DCLK1: variants seen among roughly 807,000 people sequenced by gnomAD.
The protein encoded by DCLK1 is doublecortin like kinase 1, also known as serine/threonine-protein kinase DCLK1.
Under a neutral mutation model 86.2 loss-of-function variants are expected in DCLK1, and 16 were observed. The observed-to-expected ratio is 0.19, with a 90% CI of 0.13 to 0.28. The LOEUF (loss-of-function observed/expected upper bound fraction) is 0.28. Ranked by LOEUF, DCLK1 falls within the 10% of genes least tolerant of loss-of-function variation. The probability of loss-of-function intolerance (pLI) is 1.00; values close to 1 mark genes in which losing one functional copy is unlikely to be tolerated. For synonymous variants in DCLK1, 369 were observed against 370.5 expected (o/e 1.00, Z 0.05); for missense variants, 590 against 940.2 (o/e 0.63, Z 4.87).
At chr13:35,862,798 T>C (rs1871499895) in intron 5 of DCLK1, among the ~76,000 whole-genome samples, 3 of 152,186 alleles carry the variant, frequency 2.0e-5, no homozygotes, top group Admixed American at 2.0e-4. Flanking sequence ...ACATCCAAAT[T>C]TATAAATCCT....
intron 3 of DCLK1, among the ~76,000 whole-genome samples, chr13:36,001,278 A>G (rs1167227986): frequency 6.6e-6 from 1 of 152,226 alleles, no homozygotes; most frequent in African/African-American, 2.4e-5. Flanking sequence ...GCAGTAACAA[A>G]ACACAAGGTT....
At chr13:35,864,114 C>A (rs908774363) in intron 5 of DCLK1, among the ~76,000 whole-genome samples, 1 of 152,094 alleles carries the variant, frequency 6.6e-6, no homozygotes, top group Non-Finnish European at 1.5e-5. Flanking sequence ...ATGGTTGTTG[C>A]CATGAATGTT....
chr13:35,784,888 CT>C (rs1361851366), intron 16 of DCLK1, among the ~76,000 whole-genome samples: 1 of 152,176 alleles, frequency 6.6e-6, no homozygotes, highest in Non-Finnish European at 1.5e-5. Context: ...ACGGAGGTTC[CT>C]CCCTGGCTTC....
At chr13:35,868,956 A>T in intron 5 of DCLK1, 1 of 357,618 alleles carries the variant, frequency 2.8e-6, no homozygotes, top group South Asian at 2.1e-5. Flanking sequence ...ATGCCTGGCT[A>T]ATTTTTGTAT....
At position 35,921,004 on chromosome 13, in the gene DCLK1, C is replaced by T. The variant is rs183748165; in HGVS notation, c.823+26354G>A. On this transcript the variant is annotated intron_variant, in intron 4 of 16. Coordinates refer to ENST00000360631, the MANE Select transcript of DCLK1 (RefSeq NM_001330071.2). ...CCCACGGCCAACAGCCCACAGCAGG[C>T]CACCAACACCTCCACAATGACTATT... Among the ~76,000 whole-genome samples the T allele has an allele frequency of 4.2e-3, 637 of 152,260 alleles. 1 individual carries two copies. Among genetic ancestry groups the T allele is most frequent in the Non-Finnish European group, 7.4e-3 (500 of 68,024 alleles).
intron 16 of DCLK1, among the ~76,000 whole-genome samples, chr13:35,783,239 G>C (rs1480730688): frequency 1.3e-5 from 2 of 152,190 alleles, no homozygotes; most frequent in Non-Finnish European, 2.9e-5. Context: ...CCTCTCTCTG[G>C]AGAGACATCA....
At chr13:35,821,898 G>A (rs901042197) in intron 11 of DCLK1, among the ~76,000 whole-genome samples, 2 of 150,994 alleles carry the variant, frequency 1.3e-5, no homozygotes, top group Non-Finnish European at 3.0e-5. Flanking sequence ...CCAGAGATGT[G>A]GAGTAAATGA....
At chr13:35,806,945 T>C (rs1197434382) in intron 14 of DCLK1, among the ~76,000 whole-genome samples, 1 of 152,210 alleles carries the variant, frequency 6.6e-6, no homozygotes, top group Non-Finnish European at 1.5e-5. Context: ...CTACACAAAG[T>C]GGTCATGTCT....
chr13:35,894,634 G>A (rs1030935870), intron 4 of DCLK1, among the ~76,000 whole-genome samples: 9 of 152,178 alleles, frequency 5.9e-5, no homozygotes, highest in South Asian at 4.1e-4. Flanking sequence ...GGAAGACAAC[G>A]CCAGAAGGTG....
intron 3 of DCLK1, among the ~76,000 whole-genome samples, chr13:35,948,364 T>G (rs7338448): frequency 0.07 from 10,678 of 152,208 alleles, 1,180 homozygotes; most frequent in African/African-American, 0.24. Flanking sequence ...CAGAGCTGTA[T>G]GAAATAGATG....
At chr13:36,044,748 A>C (rs1315691697) in intron 3 of DCLK1, among the ~76,000 whole-genome samples, 3 of 152,188 alleles carry the variant, frequency 2.0e-5, no homozygotes, top group African/African-American at 7.2e-5. Context: ...ACAGAGGGAA[A>C]TTGAGAAAGA....
intron 7 of DCLK1, among the ~76,000 whole-genome samples, chr13:35,838,596 C>T (rs1869565444): frequency 6.6e-6 from 1 of 152,190 alleles, no homozygotes; most frequent in Non-Finnish European, 1.5e-5. Flanking sequence ...AGACATTCTG[C>T]AGTGAATTAC....
intron 3 of DCLK1, among the ~76,000 whole-genome samples, chr13:36,032,909 C>G (rs1208781857): frequency 6.6e-6 from 1 of 152,152 alleles, no homozygotes; most frequent in Non-Finnish European, 1.5e-5. Flanking sequence ...AAGAATAATT[C>G]CTTATAATAC....
intron 16 of DCLK1, among the ~76,000 whole-genome samples, chr13:35,782,383 G>C (rs1431688145): frequency 6.6e-6 from 1 of 152,188 alleles, no homozygotes; most frequent in African/African-American, 2.4e-5. Context: ...GAATTGCCAT[G>C]TTTGTTCTCC....
chr13:36,131,443 CCCTCCT>C, upstream of DCLK1: 2 of 175,846 alleles, frequency 1.1e-5, no homozygotes, highest in Non-Finnish European at 2.4e-5. Context: ...CCTCCCGTCT[CCCTCCT>C]CCTCCTCCTC....
chr13:35,939,072 C>T (rs1566611793), intron 4 of DCLK1, among the ~76,000 whole-genome samples: 1 of 152,170 alleles, frequency 6.6e-6, no homozygotes, highest in Non-Finnish European at 1.5e-5. Context: ...GGAACTATCA[C>T]TATGTTCCGG....
chr13:35,866,926 C>T (rs73514314), intron 5 of DCLK1, among the ~76,000 whole-genome samples: 5,133 of 152,242 alleles, frequency 0.034, 341 homozygotes, highest in African/African-American at 0.12. Flanking sequence ...GACAGGAGAC[C>T]TGGGCCAGAG....
chr13:35,987,078 T>C (rs556194001), intron 3 of DCLK1, among the ~76,000 whole-genome samples: 53 of 152,326 alleles, frequency 3.5e-4, no homozygotes, highest in African/African-American at 1.1e-3. Context: ...CTCTCATTAA[T>C]TGAGCAGAGA....
intron 11 of DCLK1, among the ~76,000 whole-genome samples, chr13:35,812,296 G>T (rs1319497342): frequency 6.7e-6 from 1 of 148,420 alleles, no homozygotes; most frequent in African/African-American, 2.6e-5. Context: ...CACAGTAAAA[G>T]GCTAGTAATT....
Sources: gnomAD v4.1 joint callset for allele counts (sites outside exome capture counted in the v4.1 genomes callset) on GRCh38, gnomAD v4.1.1 for gene constraint, MANE v1.5 for transcripts, NCBI Gene and HGNC (gene_info 2026-07-23, HGNC 2026-07-21) for gene names.